NAF1: variants seen among roughly 807,000 people sequenced by gnomAD.
NAF1 encodes nuclear assembly factor 1 ribonucleoprotein.
In NAF1, 11 loss-of-function variants were observed where a neutral mutation model predicts 40.6. The observed-to-expected ratio is 0.27, with a 90% CI of 0.17 to 0.45. The LOEUF is 0.45. NAF1 is among the 20% of genes least tolerant of loss of function. The pLI, the probability that NAF1 is intolerant of heterozygous loss-of-function variation, is 1.00. For synonymous variants in NAF1, 260 were observed against 228.5 expected (o/e 1.14, Z -1.24); for missense variants, 607 against 611.1 (o/e 0.99, Z 0.07).
At chr4:163,142,327 G>C (rs1216481022) in intron 4 of NAF1, among the ~76,000 whole-genome samples, 2 of 152,152 alleles carry the variant, frequency 1.3e-5, no homozygotes, top group Admixed American at 1.3e-4. Flanking sequence ...TAAGTTTCCT[G>C]TGTATCCATT....
At chr4:163,142,535 A>G (rs1316069424) in intron 4 of NAF1, among the ~76,000 whole-genome samples, 2 of 152,250 alleles carry the variant, frequency 1.3e-5, no homozygotes, top group Non-Finnish European at 2.9e-5. Flanking sequence ...ACAAAAGCAA[A>G]GCATAGTATT....
chr4:163,144,240 C>A (rs543727354), intron 4 of NAF1, among the ~76,000 whole-genome samples: 2 of 152,196 alleles, frequency 1.3e-5, no homozygotes, highest in South Asian at 2.1e-4. Context: ...GTGGGGAAGG[C>A]AAAGGGAGGT....
downstream of NAF1, among the ~76,000 whole-genome samples, chr4:163,106,011 ATTCT>A (rs1378021644): frequency 6.6e-6 from 1 of 152,196 alleles, no homozygotes; most frequent in Non-Finnish European, 1.5e-5. Flanking sequence ...ACATGTCAAT[ATTCT>A]TTAATATTAG....
chr4:163,129,090 A>C lies in NAF1; in HGVS notation c.1292T>G (p.Met431Arg). ...TGGAGGGCGGAGGGGAAAATTATGC[A>C]TGTCAAACACTGGAAGAGGAAAGGG... is the stretch of plus-strand genomic sequence containing the variant. ...QYPFPLPVFD[M>R]HNFPLRPPPP... is the part of the protein sequence containing the mutation. The change falls in exon 8 of 8, where the codon ATG becomes AGG. Residue 431 changes from methionine (M) to arginine (R), a missense_variant. Around this residue, in one of 3 missense-constraint regions of NAF1, gnomAD observed 189 missense variants for 216.6 expected, o/e 0.87. Coordinates refer to ENST00000274054, the MANE Select transcript of NAF1 (RefSeq NM_138386.3). The C allele has an allele frequency of 6.2e-7, 1 of 1,604,506 alleles. No individual in the cohort carries two copies. Among genetic ancestry groups the C allele is most frequent in the South Asian group, 1.1e-5 (1 of 89,694 alleles).
In NAF1 at chr4:163,128,908, G is replaced by A; in HGVS notation, c.1474C>T (p.Pro492Ser). Residue 492 changes from proline to serine, a missense_variant, in exon 8 of 8, where the codon CCT becomes TCT. Transcript: ENST00000274054. ...SSGDSNSHFG[P>S]YY ...AAATGCATAGTCACCTAATAGTAAG[G>A]TCCAAAATGAGAATTACTATCTCCA... is the stretch of plus-strand genomic sequence containing the variant. 1 of 1,479,788 alleles carries A rather than the reference G, an allele frequency of 6.8e-7. No homozygotes were observed. The highest frequency in any genetic ancestry group is 2.5e-5 in the East Asian group (1 of 40,038). The allele number at this position is 1,479,788 out of a possible 1,614,324, so 91.7% of individuals were successfully genotyped here.
At chr4:163,118,943 T>A (rs1730435125) in intron 2 of NAF1, among the ~76,000 whole-genome samples, 1 of 152,148 alleles carries the variant, frequency 6.6e-6, no homozygotes, top group Non-Finnish European at 1.5e-5. Flanking sequence ...CATGACTGAA[T>A]CTACTTTTTT....
intron 2 of NAF1, among the ~76,000 whole-genome samples, chr4:163,112,841 T>C (rs891485887): frequency 6.6e-6 from 1 of 152,176 alleles, no homozygotes; most frequent in Admixed American, 6.5e-5. Flanking sequence ...TTGAAGGTTG[T>C]AGAGGAGAGT....
chr4:163,143,883 G>T (rs1731356683), intron 4 of NAF1: 1 of 313,980 alleles, frequency 3.2e-6, no homozygotes, highest in Non-Finnish European at 4.6e-6. Flanking sequence ...CAACAAAAAT[G>T]AAGAAAATAC....
intron 5 of NAF1, among the ~76,000 whole-genome samples, chr4:163,138,805 ATC>A (rs1197569694): frequency 1.4e-4 from 21 of 152,258 alleles, no homozygotes; most frequent in African/African-American, 4.1e-4. Context: ...CTTCAAATTT[ATC>A]TGTTTTAAGC....
chr4:163,154,716 C>G (rs568077122), intron 2 of NAF1, among the ~76,000 whole-genome samples: 2 of 151,824 alleles, frequency 1.3e-5, no homozygotes, highest in African/African-American at 4.8e-5. Flanking sequence ...ACTAAAAATA[C>G]AAAAATTAGC....
At chr4:163,131,354 C>T (rs1033646987) in intron 7 of NAF1, among the ~76,000 whole-genome samples, 2 of 152,132 alleles carry the variant, frequency 1.3e-5, no homozygotes, top group African/African-American at 4.8e-5. Flanking sequence ...GATTGTACCA[C>T]TGCATTCTAG....
In NAF1 at chr4:163,115,239, C is replaced by T. The variant is rs572831536; in HGVS notation, c.115-4949G>A. Among the ~76,000 whole-genome samples, 13 of 121,460 alleles carry T rather than the reference C, an allele frequency of 1.1e-4. No homozygotes were observed. In the South Asian group the frequency reaches 1.9e-3, roughly 18 times the overall value. The allele number at this position is 121,460 out of a possible 152,430, so 79.7% of individuals were successfully genotyped here. A position where few individuals can be genotyped will look rare whatever the true frequency, so the allele number is the denominator to read the frequency against. On this transcript the variant is annotated intron_variant, in intron 2 of 2. Coordinates refer to the NAF1 transcript ENST00000509434. ...TTTTTTTTTTTTTGAGACAGAGTCT[C>T]GCTCTGTCGCCCAGGCTGGAGTGCA...
intron 4 of NAF1, among the ~76,000 whole-genome samples, chr4:163,140,949 T>C (rs930756389): frequency 1.3e-5 from 2 of 152,254 alleles, no homozygotes; most frequent in African/African-American, 4.8e-5. Context: ...GCCTTTAACA[T>C]TTAACTAAAA....
intron 2 of NAF1, among the ~76,000 whole-genome samples, chr4:163,116,338 T>C (rs1730337540): frequency 6.6e-6 from 1 of 152,176 alleles, no homozygotes; most frequent in South Asian, 2.1e-4. Flanking sequence ...ATTGGATGAA[T>C]AGAAAAGTGT....
intron 2 of NAF1, among the ~76,000 whole-genome samples, chr4:163,153,504 G>GT (rs762201962): frequency 4.2e-4 from 63 of 149,286 alleles, no homozygotes; most frequent in Non-Finnish European, 5.8e-4. Context: ...TCGGCACTCT[G>GT]TATCTAGCTC....
At chr4:163,163,452 A>G (rs1412680457) in intron 2 of NAF1, among the ~76,000 whole-genome samples, 2 of 152,130 alleles carry the variant, frequency 1.3e-5, no homozygotes, top group Non-Finnish European at 2.9e-5. Context: ...TGACCATTAA[A>G]TATTTTTAAA....
In NAF1 at chr4:163,164,340, TGAG is replaced by T; in HGVS notation, c.414_416del (p.Ser145del). On this transcript the variant is annotated inframe_deletion, in exon 2 of 8. Coordinates refer to ENST00000274054, the MANE Select transcript of NAF1 (RefSeq NM_138386.3). ...ATATACAAGAGGAAGAAGACGACGA[TGAG>T]GAAGATGAAGAGGAAGACGATGAAC... The T allele has an allele frequency of 6.3e-7, 1 of 1,598,564 alleles. No individual in the cohort carries two copies. The highest frequency in any genetic ancestry group is 8.5e-7 in the Non-Finnish European group (1 of 1,172,936).
intron 2 of NAF1, among the ~76,000 whole-genome samples, chr4:163,117,680 TACAC>T (rs55869899): frequency 1.7e-3 from 235 of 134,920 alleles, no homozygotes; most frequent in African/African-American, 4.8e-3. Flanking sequence ...CTGGAAGCAA[TACAC>T]ACACACACAC....
chr4:163,151,342 CTAT>C lies in NAF1; in HGVS notation c.541-2911_541-2909del, dbSNP rs200758765. Among the ~76,000 whole-genome samples the C allele has an allele frequency of 6.8e-3, 1,031 of 151,200 alleles. 17 individuals carry two copies. The highest frequency in any genetic ancestry group is 7.9e-3 in the Non-Finnish European group (536 of 67,722). On this transcript the variant is annotated intron_variant, in intron 2 of 7. Transcript: ENST00000274054. ...CTATCCCAAAATCACTGAAAATTCA[CTAT>C]TGTTTTCTTTATTTCTCTAGTTTTT...
Sources: gnomAD v4.1 joint callset for allele counts (sites outside exome capture counted in the v4.1 genomes callset) on GRCh38, gnomAD v4.1.1 for gene constraint, gnomAD v4.1.1 regional missense constraint, MANE v1.5 for transcripts, NCBI Gene and HGNC (gene_info 2026-07-23, HGNC 2026-07-21) for gene names.